The following AVEN variants were observed in gnomAD, a reference collection of about 807,000 sequenced individuals.
AVEN encodes the protein apoptosis and caspase activation inhibitor, also known as cell death regulator Aven.
A neutral mutation model predicts 38.1 loss-of-function variants in AVEN; 41 were observed. That is an observed-to-expected ratio of 1.08 (90% CI 0.84 to 1.40). The LOEUF is 1.40. AVEN is among the 40% of genes most tolerant of loss of function. AVEN has a pLI of 0.00. For synonymous variants in AVEN, 206 were observed against 171.8 expected (o/e 1.20, Z -1.56); for missense variants, 605 against 438.8 (o/e 1.38, Z -3.38).
downstream of AVEN, among the ~76,000 whole-genome samples, chr15:33,863,427 C>CTCAGAAGGACATAATTTCTACTT (rs1889249151): frequency 6.6e-6 from 1 of 151,954 alleles, no homozygotes; most frequent in African/African-American, 2.4e-5. Context: ...ACTCTCCACC[C>CTCAGAAGGACATAATTTCTACTT]TCAGAAGGAC....
intron 2 of AVEN, among the ~76,000 whole-genome samples, chr15:33,970,600 G>C (rs1228471928): frequency 4.0e-5 from 6 of 151,818 alleles, no homozygotes; most frequent in Non-Finnish European, 7.4e-5. Flanking sequence ...TTTGTAAACA[G>C]ACATGATTCA....
chr15:33,859,802 CTTAATTGGT>C (rs1467781542), intron 11 of AVEN: 1 of 1,457,766 alleles, frequency 6.9e-7, no homozygotes, highest in Non-Finnish European at 9.3e-7. Flanking sequence ...CCATCTATGA[CTTAATTGGT>C]TTATGAAGAA....
chr15:34,059,053 T>C (rs1374143562), intron 5 of AVEN, among the ~76,000 whole-genome samples: 1 of 149,408 alleles, frequency 6.7e-6, no homozygotes, highest in Non-Finnish European at 1.5e-5. Context: ...CACACCACCA[T>C]GCCCAGCTAA....
At chr15:33,987,183 T>C (rs1193819747) in intron 2 of AVEN, among the ~76,000 whole-genome samples, 2 of 152,232 alleles carry the variant, frequency 1.3e-5, no homozygotes, top group African/African-American at 4.8e-5. Flanking sequence ...GAGGATATTC[T>C]TTCCATCCCA....
chr15:33,938,283 G>A (rs903624517), intron 2 of AVEN, among the ~76,000 whole-genome samples: 12 of 151,868 alleles, frequency 7.9e-5, no homozygotes, highest in Non-Finnish European at 1.3e-4. Context: ...GTGAAACCCC[G>A]TCTCTACTAA....
Position 34,063,995 on chromosome 15 carries a change from G to A in AVEN, n.1127-563C>T. ...TCAATCCCAACCCCAGCCATCAAAT[G>A]ACCAAACGAAAGAGAGTGGTCCTAG... On this transcript the variant is annotated intron_variant and non_coding_transcript_variant, in intron 4 of 11. Transcript: ENST00000675287. This position sits in a 1 kb window ranked among gnomAD's most constrained non-coding sequence, Gnocchi z 4.1. The A allele has an allele frequency of 6.2e-7, 1 of 1,614,150 alleles. No individual in the cohort carries two copies. Among genetic ancestry groups the A allele is most frequent in the Admixed American group, 1.7e-5 (1 of 60,016 alleles).
At chr15:33,982,687 T>C (rs1413263827) in intron 2 of AVEN, among the ~76,000 whole-genome samples, 4 of 152,242 alleles carry the variant, frequency 2.6e-5, no homozygotes, top group Non-Finnish European at 5.9e-5. Context: ...GTTTAGGTTA[T>C]GGCATTTCCA....
At chr15:33,964,506 A>G (rs75250780) in intron 2 of AVEN, among the ~76,000 whole-genome samples, 1,943 of 152,266 alleles carry the variant, frequency 0.013, 39 homozygotes, top group African/African-American at 0.044. Context: ...AACTGATGCC[A>G]AAAGAAAAAA....
intron 2 of AVEN, among the ~76,000 whole-genome samples, chr15:33,942,810 T>C (rs959682216): frequency 1.3e-5 from 2 of 152,204 alleles, no homozygotes; most frequent in Non-Finnish European, 2.9e-5. Context: ...ATCCTGAGGA[T>C]TTCTTTTATC....
chr15:33,897,180 T>C (rs1892266315), intron 2 of AVEN, among the ~76,000 whole-genome samples: 1 of 152,308 alleles, frequency 6.6e-6, no homozygotes, highest in Middle Eastern at 3.4e-3. Context: ...TCTGGGATGA[T>C]AAAAATGTTC....
intron 2 of AVEN, among the ~76,000 whole-genome samples, chr15:33,994,913 T>A (rs943228859): frequency 2.6e-5 from 4 of 152,116 alleles, no homozygotes; most frequent in Non-Finnish European, 1.5e-5. Context: ...CAGGCAACCA[T>A]CCACATTGGT....
At chr15:33,949,465 G>A (rs1442526406) in intron 2 of AVEN, among the ~76,000 whole-genome samples, 1 of 152,110 alleles carries the variant, frequency 6.6e-6, no homozygotes, top group Non-Finnish European at 1.5e-5. Flanking sequence ...TAATTACCCT[G>A]ATTTGATCAT....
At chr15:33,983,495 C>A (rs1036052701) in intron 2 of AVEN, among the ~76,000 whole-genome samples, 1 of 151,878 alleles carries the variant, frequency 6.6e-6, no homozygotes, top group Non-Finnish European at 1.5e-5. Flanking sequence ...ATAAAAAGGG[C>A]AAGTATTTAG....
At chr15:33,901,340 C>T (rs957182635) in intron 2 of AVEN, among the ~76,000 whole-genome samples, 1 of 152,228 alleles carries the variant, frequency 6.6e-6, no homozygotes, top group Non-Finnish European at 1.5e-5. Context: ...TATTCACACA[C>T]TAGAAGTCCA....
At chr15:33,915,841 G>A (rs765000359) in intron 2 of AVEN, among the ~76,000 whole-genome samples, 4 of 152,168 alleles carry the variant, frequency 2.6e-5, no homozygotes, top group South Asian at 2.1e-4. Flanking sequence ...CGTGCTGTTG[G>A]AGAAGCATGG....
intron 2 of AVEN, among the ~76,000 whole-genome samples, chr15:33,894,141 G>T (rs1434891534): frequency 2.0e-5 from 3 of 151,864 alleles, no homozygotes; most frequent in African/African-American, 7.3e-5. Flanking sequence ...GTAGAGATGG[G>T]GTTTCGCTAT....
upstream of AVEN, among the ~76,000 whole-genome samples, chr15:34,039,908 C>T (rs1190045842): frequency 6.6e-6 from 1 of 152,098 alleles, no homozygotes; most frequent in African/African-American, 2.4e-5. Context: ...CACTCCAGTC[C>T]CTTCTTTCAA....
In AVEN at chr15:33,868,717, A is replaced by G. The variant is rs1029682166; in HGVS notation, c.613-862T>C. 2.6e-5 allele frequency among the ~76,000 whole-genome samples: 4 copies of G among 152,310 alleles called. No homozygotes were observed. The East Asian group carries it at 7.7e-4, about 29-fold the overall frequency. On this transcript the variant is annotated intron_variant, in intron 4 of 5. Transcript: ENST00000306730. ...CACTATTTGATGATTGTATTTGTAA[A>G]AAGTTCAAAAGCTACGGTATTAGAA... is the stretch of plus-strand genomic sequence containing the variant.
chr15:34,012,037 AAATGAGCTTCTT>A (rs772084937), intron 1 of AVEN, among the ~76,000 whole-genome samples: 6 of 152,234 alleles, frequency 3.9e-5, no homozygotes, highest in Non-Finnish European at 8.8e-5. Context: ...CTGCTTTAAA[AAATGAGCTTCTT>A]ATAAGAATTT....
Sources: gnomAD v4.1 joint callset for allele counts (sites outside exome capture counted in the v4.1 genomes callset) on GRCh38, gnomAD v4.1.1 for gene constraint, Gnocchi (gnomAD v3.1) non-coding constraint, MANE v1.5 for transcripts, NCBI Gene and HGNC (gene_info 2026-07-23, HGNC 2026-07-21) for gene names.